HSF2BP: variants seen among roughly 807,000 people sequenced by gnomAD.
The protein encoded by HSF2BP is heat shock transcription factor 2 binding protein.
HSF2BP carries 35 observed loss-of-function variants against 35.0 expected under a neutral mutation model. That is an observed-to-expected ratio of 1.00 (90% CI 0.76 to 1.32). The LOEUF is 1.32. Ranked by LOEUF, HSF2BP falls within the 40% of genes most tolerant of loss-of-function variation. The probability of loss-of-function intolerance (pLI) is 0.00; values close to 1 mark genes in which losing one functional copy is unlikely to be tolerated. For synonymous variants in HSF2BP, 114 were observed against 117.4 expected, an observed-to-expected ratio of 0.97 and a Z score of 0.18; for missense variants, 326 against 321.7, an observed-to-expected ratio of 1.01 and a Z score of -0.10.
intron 8 of HSF2BP, among the ~76,000 whole-genome samples, chr21:43,587,311 T>G (rs545514995): frequency 6.6e-6 from 1 of 152,278 alleles, no homozygotes; most frequent in Admixed American, 6.5e-5. Flanking sequence ...GCAATGGATT[T>G]ATGAGGGGTT....
At chr21:43,656,855 TCTAC>T in intron 2 of HSF2BP, 118 bp from the exon 3 acceptor site, 2 of 780,990 alleles carry the variant, frequency 2.6e-6, no homozygotes, top group Admixed American at 4.8e-5. Context: ...AAATCATGTC[TCTAC>T]CTACTGTATA....
intron 7 of HSF2BP, among the ~76,000 whole-genome samples, chr21:43,601,906 CTAGAGTT>C (rs1310223141): frequency 1.3e-5 from 2 of 152,276 alleles, no homozygotes; most frequent in Admixed American, 6.5e-5. Flanking sequence ...ACTTTCCTAT[CTAGAGTT>C]ACTAAAGCTT....
intron 8 of HSF2BP, among the ~76,000 whole-genome samples, chr21:43,590,939 C>T (rs2081918275): frequency 6.6e-6 from 1 of 152,168 alleles, no homozygotes; most frequent in Non-Finnish European, 1.5e-5. Flanking sequence ...AATAATTTTA[C>T]AGGTGGACAT....
At chr21:43,579,067 A>G (rs990268010) in intron 8 of HSF2BP, among the ~76,000 whole-genome samples, 9 of 152,174 alleles carry the variant, frequency 5.9e-5, no homozygotes, top group Non-Finnish European at 1.0e-4. Flanking sequence ...TAACTCCCCA[A>G]TTTTCATCTC....
chr21:43,635,858 G>T (rs9977074), intron 4 of HSF2BP, among the ~76,000 whole-genome samples: 93,163 of 149,338 alleles, frequency 0.62, 29,339 homozygotes, highest in East Asian at 0.79. Context: ...GAACCCAGGA[G>T]GGGGCGACTG....
At chr21:43,655,973 T>C (rs1210245137) in intron 3 of HSF2BP, among the ~76,000 whole-genome samples, 4 of 152,338 alleles carry the variant, frequency 2.6e-5, no homozygotes, top group South Asian at 2.1e-4. Flanking sequence ...CCAAATGTCA[T>C]GCAGTAAATT....
chr21:43,622,136 T>C (rs1048692076), intron 6 of HSF2BP, among the ~76,000 whole-genome samples: 3 of 152,156 alleles, frequency 2.0e-5, no homozygotes, highest in African/African-American at 7.2e-5. Flanking sequence ...GATTTTTTTG[T>C]AAGCCTCATG....
At position 43,656,667 on chromosome 21, in the gene HSF2BP, A is replaced by G; in HGVS notation, c.107T>C (p.Met36Thr). The G allele has an allele frequency of 6.2e-7, 1 of 1,613,934 alleles. No individual in the cohort carries two copies. The highest frequency in any genetic ancestry group is 1.1e-5 in the South Asian group (1 of 91,076). The change falls in exon 3 of 9, where the codon ATG (methionine) becomes ACG (threonine). Residue 36 changes from methionine (M) to threonine (T), a missense_variant. Met to Thr is a moderately conservative substitution (Grantham distance 81). Transcript: ENST00000291560. ...TCTGGGTAAGAAGTCCCGTATTTGC[A>G]TCACTTCAGTTGTCAGCCGTTCCAG... is the stretch of plus-strand genomic sequence containing the variant. Reference protein sequence around the residue: ...KDLERLTTEVMQIRDFLPRIL... With the variant: ...KDLERLTTEVTQIRDFLPRIL...
chr21:43,658,035 G>A, intron 2 of HSF2BP, 26 bp downstream of exon 2: 1 of 1,535,628 alleles, frequency 6.5e-7, no homozygotes, highest in Non-Finnish European at 8.7e-7. Context: ...AAACACGCTG[G>A]CGTCGGCCAG....
At chr21:43,656,832 G>GCAT in intron 2 of HSF2BP, 95 bp from the exon 3 acceptor site, 2 of 989,244 alleles carry the variant, frequency 2.0e-6, no homozygotes, top group South Asian at 1.5e-5. Context: ...CCTCTTATGT[G>GCAT]CATCGTTGTT....
At chr21:43,579,313 CAG>C (rs368008939) in intron 8 of HSF2BP, among the ~76,000 whole-genome samples, 122 of 152,242 alleles carry the variant, frequency 8.0e-4, no homozygotes, top group East Asian at 3.7e-3. Context: ...AGAATTCATG[CAG>C]AGTTATTATA....
At chr21:43,636,052 A>G (rs2082549163) in intron 4 of HSF2BP, among the ~76,000 whole-genome samples, 2 of 151,562 alleles carry the variant, frequency 1.3e-5, no homozygotes, top group African/African-American at 2.4e-5. Flanking sequence ...TCTACAAAAA[A>G]AAAAAAAAAT....
chr21:43,598,401 T>C (rs1293014671), intron 7 of HSF2BP, among the ~76,000 whole-genome samples: 1 of 150,800 alleles, frequency 6.6e-6, no homozygotes, highest in Non-Finnish European at 1.5e-5. Flanking sequence ...TTTTTTTTTT[T>C]AGTAGAGACG....
At chr21:43,592,444 T>C (rs1018848638) in intron 7 of HSF2BP, 116 bp from the exon 8 acceptor site, 8 of 650,138 alleles carry the variant, frequency 1.2e-5, no homozygotes, top group Middle Eastern at 3.0e-4. Context: ...ACATTTTAGA[T>C]GTCCAATTCT....
Position 43,658,107 on chromosome 21 carries a change from G to A in HSF2BP, c.-11C>T, listed in dbSNP as rs1284967397. On this transcript the variant is annotated 5_prime_UTR_variant, in exon 2 of 9. Coordinates refer to ENST00000291560, the MANE Select transcript of HSF2BP (RefSeq NM_007031.2). The stretch of plus-strand genomic sequence containing the variant: ...GCCCGCTTCGCCCATGGCCGCTGCC[G>A]CCTCCGCTCCGTTCGCCTGAGCGTC... 34 of 1,530,056 alleles carry A rather than the reference G, an allele frequency of 2.2e-5. No individual in the cohort carries two copies. The highest frequency in any genetic ancestry group is 3.4e-4 in the Middle Eastern group (2 of 5,874). 94.8% of individuals were successfully genotyped at this position (1,530,056 alleles called of 1,614,324 possible).
intron 3 of HSF2BP, among the ~76,000 whole-genome samples, chr21:43,656,341 G>A (rs1055315723): frequency 2.0e-5 from 3 of 152,178 alleles, no homozygotes; most frequent in African/African-American, 4.8e-5. Flanking sequence ...TTCTGCCAAT[G>A]AAGAGAGAGA....
At position 43,598,182 on chromosome 21, in the gene HSF2BP, TTTTTTTTG is replaced by T. The variant is rs540627735; in HGVS notation, c.693-5862_693-5855del. The stretch of plus-strand genomic sequence containing the variant: ...ACCCATGTGACCATAGGCACTTTCT[TTTTTTTTG>T]TTTTTTTGTTTTTTTGTTTTGAGAC... On this transcript the variant is annotated intron_variant, in intron 7 of 8. Transcript: ENST00000291560. 3.9e-3 allele frequency among the ~76,000 whole-genome samples: 599 copies of T among 151,756 alleles called. 6 individuals carry two copies. Among genetic ancestry groups the T allele is most frequent in the African/African-American group, 6.9e-3 (287 of 41,370 alleles).
intron 3 of HSF2BP, among the ~76,000 whole-genome samples, chr21:43,655,493 G>A (rs1230395779): frequency 1.3e-5 from 2 of 152,214 alleles, no homozygotes; most frequent in Admixed American, 1.3e-4. Flanking sequence ...AGCCACAGGA[G>A]CAGGGGCAGT....
intron 3 of HSF2BP, among the ~76,000 whole-genome samples, chr21:43,651,969 C>A (rs1383122017): frequency 6.6e-6 from 1 of 152,236 alleles, no homozygotes. Flanking sequence ...TCACCTCAAT[C>A]CTCTAGCTGG....
Sources: allele counts gnomAD v4.1 joint callset (sites outside exome capture counted in the v4.1 genomes callset), GRCh38; gene constraint gnomAD v4.1.1; transcripts MANE v1.5; gene names NCBI Gene and HGNC (gene_info 2026-07-23, HGNC 2026-07-21).